IFT74: variants seen among roughly 807,000 people sequenced by gnomAD.
IFT74 encodes the protein intraflagellar transport protein 74 homolog.
A neutral mutation model predicts 96.7 loss-of-function variants in IFT74; 92 were observed. The ratio of observed to expected loss-of-function variants is 0.95; its 90% CI spans 0.80 to 1.13. IFT74 has a LOEUF of 1.13. Among genes scored for constraint, IFT74 ranks in the 50% most tolerant of loss-of-function variants. The pLI is 0.00. For synonymous variants in IFT74, 223 were observed against 213.2 expected, an observed-to-expected ratio of 1.05 and a Z score of -0.40; for missense variants, 811 against 698.2, an observed-to-expected ratio of 1.16 and a Z score of -1.82.
At position 27,016,892 on chromosome 9, in the gene IFT74, C is replaced by CT. The variant is rs758164287; in HGVS notation, c.790-13dup. On this transcript the variant is annotated splice_polypyrimidine_tract_variant and intron_variant, in intron 10 of 19. Transcript: ENST00000380062. ...AAAATACTAATTAAAACTTTCCCTTCTTATTTTCCTTTAGGAAATAGCTCA... is the reference window on the plus strand; with the variant it reads ...AAAATACTAATTAAAACTTTCCCTTCTTTATTTTCCTTTAGGAAATAGCTCA... The CT allele has an allele frequency of 6.3e-7, 1 of 1,577,104 alleles. No individual in the cohort carries two copies. Among genetic ancestry groups the CT allele is most frequent in the Non-Finnish European group, 8.6e-7 (1 of 1,166,868 alleles).
At chr9:27,032,767 G>C (rs546545036) in intron 13 of IFT74, among the ~76,000 whole-genome samples, 1 of 152,078 alleles carries the variant, frequency 6.6e-6, no homozygotes, top group South Asian at 2.1e-4. Context: ...TCAGGAGGCT[G>C]AAGTAGGAGA....
At chr9:27,046,956 C>T (rs940566697) in intron 14 of IFT74, among the ~76,000 whole-genome samples, 7 of 152,252 alleles carry the variant, frequency 4.6e-5, no homozygotes, top group East Asian at 1.9e-4. Context: ...GGGTGGATCA[C>T]GTGGTTAAGA....
In IFT74 at chr9:26,988,609, T is replaced by C; in HGVS notation, c.466-60T>C. ...GACTGAATACCTATATTATTAATTA[T>C]AGAGAACATGTGTAAAGACTAACAA... On this transcript the variant is annotated intron_variant, in intron 6 of 19. Coordinates refer to ENST00000380062, the MANE Select transcript of IFT74 (RefSeq NM_025103.4). The C allele has an allele frequency of 5.0e-6, 7 of 1,397,700 alleles. No individual in the cohort carries two copies. The South Asian group carries it at 5.4e-5, about 11-fold the overall frequency. 86.6% of individuals were successfully genotyped at this position (1,397,700 alleles called of 1,614,324 possible).
chr9:26,978,017 C>A, intron 2 of IFT74, 111 bp from the exon 3 acceptor site: 1 of 818,804 alleles, frequency 1.2e-6, no homozygotes, highest in Non-Finnish European at 1.8e-6. Context: ...GAAATTTTTA[C>A]AAATCAAGTA....
chr9:26,948,580 C>G (rs1448974574), intron 1 of IFT74, among the ~76,000 whole-genome samples: 2 of 149,230 alleles, frequency 1.3e-5, no homozygotes, highest in African/African-American at 4.9e-5. Flanking sequence ...GCGATTCCTG[C>G]CTCAGCCTCC....
At chr9:26,953,701 G>T (rs562568397), upstream of IFT74, among the ~76,000 whole-genome samples, 27 of 149,742 alleles carry the variant, frequency 1.8e-4, no homozygotes, top group Non-Finnish European at 3.3e-4. Context: ...TGTAGGGGGG[G>T]GGTCTCACTA....
intron 1 of IFT74, among the ~76,000 whole-genome samples, chr9:26,956,720 C>T (rs1001760877): frequency 1.3e-5 from 2 of 151,236 alleles, no homozygotes; most frequent in Admixed American, 6.6e-5. Context: ...CCCGACCCCT[C>T]CCCGACCCCC....
At chr9:26,964,264 A>C (rs1351135788) in intron 2 of IFT74, among the ~76,000 whole-genome samples, 1 of 144,530 alleles carries the variant, frequency 6.9e-6, no homozygotes, top group East Asian at 2.7e-4. Context: ...GTCAAAGATC[A>C]GATAGTTGTA....
chr9:27,020,464 A>ATTTTTTTTT (rs1829545041), intron 12 of IFT74, among the ~76,000 whole-genome samples: 1 of 134,994 alleles, frequency 7.4e-6, no homozygotes, highest in Non-Finnish European at 1.6e-5. Flanking sequence ...TATCTTTTTT[A>ATTTTTTTTT]TTTCTTTTTT....
chr9:26,973,801 C>T (rs1262961526), intron 2 of IFT74, among the ~76,000 whole-genome samples: 3 of 152,116 alleles, frequency 2.0e-5, no homozygotes, highest in Non-Finnish European at 4.4e-5. Context: ...TGAGACACTC[C>T]TGAATCAATT....
chr9:27,036,127 A>G (rs978486973), intron 13 of IFT74, among the ~76,000 whole-genome samples: 1 of 152,214 alleles, frequency 6.6e-6, no homozygotes, highest in Non-Finnish European at 1.5e-5. Flanking sequence ...TCCACTTACT[A>G]ATGAAATGGA....
chr9:27,000,227 T>A (rs1222640486), intron 8 of IFT74, among the ~76,000 whole-genome samples: 1 of 152,192 alleles, frequency 6.6e-6, no homozygotes, highest in African/African-American at 2.4e-5. Context: ...AAAATTAATA[T>A]TTTTAAGTGT....
intron 12 of IFT74, among the ~76,000 whole-genome samples, chr9:27,023,608 C>T (rs1429915834): frequency 6.6e-6 from 1 of 151,934 alleles, no homozygotes; most frequent in African/African-American, 2.4e-5. Flanking sequence ...GATGTTGGTC[C>T]ATAGTTTTCT....
chr9:26,988,849 T>G (rs973169532), intron 7 of IFT74, 121 bp downstream of exon 7: 1 of 895,172 alleles, frequency 1.1e-6, no homozygotes, highest in Middle Eastern at 3.5e-4. Context: ...TTACTCTGAT[T>G]GTAAATACCA....
chr9:26,976,688 G>T, intron 2 of IFT74: 1 of 449,546 alleles, frequency 2.2e-6, no homozygotes, highest in South Asian at 1.6e-5. Context: ...GAGAAGAAAG[G>T]CAGGGGGTAC....
chr9:27,009,714 A>T (rs1215004285), intron 9 of IFT74, among the ~76,000 whole-genome samples: 1 of 151,444 alleles, frequency 6.6e-6, no homozygotes, highest in Non-Finnish European at 1.5e-5. Flanking sequence ...ATATATATTT[A>T]CTTTCCTTTT....
chr9:26,988,570 C>T (rs1827732538), intron 6 of IFT74, 99 bp from the exon 7 acceptor site: 1 of 1,100,930 alleles, frequency 9.1e-7, no homozygotes. Context: ...TAAGTTACTA[C>T]TCATTATTTG....
intron 12 of IFT74, among the ~76,000 whole-genome samples, chr9:27,026,600 A>G (rs1829870071): frequency 6.6e-6 from 1 of 152,230 alleles, no homozygotes; most frequent in South Asian, 2.1e-4. Context: ...AATAAATTTA[A>G]GAAAATCAAA....
At chr9:27,039,646 A>T (rs1222850076) in intron 13 of IFT74, among the ~76,000 whole-genome samples, 1 of 152,228 alleles carries the variant, frequency 6.6e-6, no homozygotes, top group Non-Finnish European at 1.5e-5. Flanking sequence ...CCTTGTCATT[A>T]TTCCCTAGAC....
Sources: allele counts gnomAD v4.1 joint callset (sites outside exome capture counted in the v4.1 genomes callset), GRCh38; gene constraint gnomAD v4.1.1; transcripts MANE v1.5; gene names NCBI Gene and HGNC (gene_info 2026-07-23, HGNC 2026-07-21).